IPO13: variants seen among roughly 807,000 people sequenced by gnomAD.
The protein encoded by IPO13 is importin 13, also known as importin-13.
In IPO13, 28 loss-of-function variants were observed where a neutral mutation model predicts 115.5. The ratio of observed to expected loss-of-function variants is 0.24; its 90% confidence interval spans 0.18 to 0.33. IPO13 has a LOEUF of 0.33. Ranked by LOEUF, IPO13 falls within the 10% of genes least tolerant of loss-of-function variation. The pLI, the probability that IPO13 is intolerant of heterozygous loss-of-function variation, is 1.00. For synonymous variants in IPO13, 414 were observed against 478.9 expected (o/e 0.86, Z 1.77); for missense variants, 785 against 1,204.6 (o/e 0.65, Z 5.16).
intron 15 of IPO13, 151 bp downstream of exon 15, chr1:43,964,472 T>G (rs771560953): frequency 8.7e-5 from 56 of 641,918 alleles, no homozygotes; most frequent in Non-Finnish European, 1.3e-4. Context: ...TCCGTGGAAG[T>G]TGACAACCCA....
Position 43,956,710 on chromosome 1 carries a change from G to A in IPO13, c.1104+9G>A. 2.5e-6 allele frequency: 4 copies of A among 1,614,244 alleles called. No homozygotes were observed. In the South Asian group the frequency reaches 4.4e-5, roughly 18 times the overall value. ...TCTGGTACACACTGCAGGTGTGTCT[G>A]TGTGACCTCCAGTAGGACTGGGCTG... is the stretch of plus-strand genomic sequence containing the variant. On this transcript the variant is annotated intron_variant, in intron 4 of 19. Coordinates refer to ENST00000372343, the MANE Select transcript of IPO13 (RefSeq NM_014652.4). The surrounding 1 kb of genome is among the most constrained non-coding windows in gnomAD (Gnocchi z 4.7).
chr1:43,959,191 T>C (rs1159114159), intron 11 of IPO13, among the ~76,000 whole-genome samples: 2 of 152,218 alleles, frequency 1.3e-5, no homozygotes, highest in Non-Finnish European at 2.9e-5. Context: ...GTTATATCCT[T>C]CAACCCTTAA....
rs543431578 is a variant in IPO13 at position 43,950,464 on chromosome 1, A to G, written c.821+311A>G. 2.6e-5 allele frequency among the ~76,000 whole-genome samples: 4 copies of G among 151,980 alleles called. No homozygotes were observed. In the South Asian group the frequency reaches 8.3e-4, roughly 32 times the overall value. ...TCTATTTTTTTCCATTTCCATTGCT[A>G]CCACCTTAGTCCAAGCTGTCATCAT... On this transcript the variant is annotated intron_variant, in intron 2 of 19. Coordinates refer to ENST00000372343, the MANE Select transcript of IPO13 (RefSeq NM_014652.4).
At chr1:43,951,796 G>A (rs2085210889) in intron 2 of IPO13, among the ~76,000 whole-genome samples, 1 of 152,162 alleles carries the variant, frequency 6.6e-6, no homozygotes, top group African/African-American at 2.4e-5. Context: ...ATGGAAGAGT[G>A]GCTGATGACT....
At chr1:43,962,763 C>T (rs1293579755) in intron 14 of IPO13, among the ~76,000 whole-genome samples, 1 of 152,216 alleles carries the variant, frequency 6.6e-6, no homozygotes, top group Non-Finnish European at 1.5e-5. Context: ...TCTAACTGTA[C>T]TGAAACTGCA....
chr1:43,955,357 C>T (rs904437271), intron 2 of IPO13, among the ~76,000 whole-genome samples: 1 of 151,952 alleles, frequency 6.6e-6, no homozygotes, highest in Non-Finnish European at 1.5e-5. Flanking sequence ...GTATTAGTTT[C>T]CTAGGGCTAC....
chr1:43,953,606 C>T (rs912445794), intron 2 of IPO13: 2 of 152,252 alleles, frequency 1.3e-5, no homozygotes, highest in East Asian at 3.8e-4. Context: ...GGCACGCCTT[C>T]CCCAGGTGTC....
intron 1 of IPO13, among the ~76,000 whole-genome samples, chr1:43,947,968 CCATGGGAACTG>C (rs1165222349): frequency 1.3e-5 from 2 of 152,186 alleles, no homozygotes; most frequent in African/African-American, 4.8e-5. Context: ...TGTTCCAGCT[CCATGGGAACTG>C]CATGAGCAGT....
chr1:43,957,510 A>G lies in IPO13; in HGVS notation c.1501A>G (p.Ser501Gly). ...LIGLIPRISI[S>G]NVQLADTVMF... ...TGGCCTCATCCCACGGATCAGCATCAGCAACGTGCAGCTGGCAGACACTGT... is the reference window on the plus strand; with the variant it reads ...TGGCCTCATCCCACGGATCAGCATCGGCAACGTGCAGCTGGCAGACACTGT... The change falls in exon 7 of 20, where the codon AGC (serine) becomes GGC (glycine). Residue 501 changes from serine (S) to glycine (G), a missense_variant. Around this residue, in one of 3 missense-constraint regions of IPO13, gnomAD observed 175 missense variants for 360.0 expected, o/e 0.49. Transcript: ENST00000372343. 6.2e-7 allele frequency: 1 copy of G among 1,614,238 alleles called. No individual in the cohort carries two copies.
At chr1:43,947,778 C>T in intron 1 of IPO13, 94 bp downstream of exon 1, 1 of 660,286 alleles carries the variant, frequency 1.5e-6, no homozygotes, top group Non-Finnish European at 2.2e-6. Flanking sequence ...TGGGTGCCCG[C>T]TGGTATGGTG....
chr1:43,950,170 T>C lies in IPO13; in HGVS notation c.821+17T>C. On this transcript the variant is annotated intron_variant, in intron 2 of 19. Transcript: ENST00000372343. Reference sequence around the variant, plus strand: ...TGCCCAGAGGTGAGCTAGTACCCACTCACCCAGAAGACAACCTCTTTGGCC... The same window carrying C: ...TGCCCAGAGGTGAGCTAGTACCCACCCACCCAGAAGACAACCTCTTTGGCC... 1 of 1,583,882 alleles carries C rather than the reference T, an allele frequency of 6.3e-7. No individual in the cohort carries two copies. Among genetic ancestry groups the C allele is most frequent in the Non-Finnish European group, 8.6e-7 (1 of 1,162,610 alleles).
intron 2 of IPO13, among the ~76,000 whole-genome samples, chr1:43,950,582 T>C (rs1477965620): frequency 2.0e-5 from 3 of 152,160 alleles, no homozygotes; most frequent in Non-Finnish European, 4.4e-5. Context: ...GGGGATCTAA[T>C]CTTTCTGATC....
At chr1:43,962,872 G>C (rs1470413715) in intron 14 of IPO13, among the ~76,000 whole-genome samples, 1 of 152,246 alleles carries the variant, frequency 6.6e-6, no homozygotes, top group Non-Finnish European at 1.5e-5. Flanking sequence ...GTAGGGTTGA[G>C]TTTCTTCTCT....
chr1:43,949,270 G>A, intron 1 of IPO13, 147 bp from the exon 2 acceptor site: 1 of 776,912 alleles, frequency 1.3e-6, no homozygotes, highest in Non-Finnish European at 2.0e-6. Context: ...CCAGGCCCAG[G>A]AAACACTGCA....
In IPO13 at chr1:43,967,277, G is replaced by T; in HGVS notation, c.2614-38G>T. The T allele has an allele frequency of 6.3e-7, 1 of 1,598,664 alleles. No homozygotes were observed. The highest frequency in any genetic ancestry group is 8.6e-7 in the Non-Finnish European group (1 of 1,168,792). On this transcript the variant is annotated intron_variant, in intron 18 of 19. Transcript: ENST00000372343. The surrounding 1 kb of genome is among the most constrained non-coding windows in gnomAD (Gnocchi z 6.1). ...TTCTTGCTGCAGAAGCGGCGGAAGG[G>T]GCAACACCCTGGTGTGCTGAGAACC...
chr1:43,966,536 G>T lies in IPO13; in HGVS notation c.2398-39G>T, dbSNP rs1294339782. ...GTGAGTGGGGGGGATGGTCCTTGGA[G>T]CTGGCTGGGGCTGGGCTTACCAGCT... On this transcript the variant is annotated intron_variant, in intron 15 of 19. Coordinates refer to ENST00000372343, the MANE Select transcript of IPO13 (RefSeq NM_014652.4). The surrounding 1 kb of genome is among the most constrained non-coding windows in gnomAD (Gnocchi z 4.1). 6.2e-7 allele frequency: 1 copy of T among 1,608,282 alleles called. No homozygotes were observed. Among genetic ancestry groups the T allele is most frequent in the East Asian group, 2.2e-5 (1 of 44,814 alleles).
In IPO13 at chr1:43,966,559, G is replaced by A. The variant is rs1294984353; in HGVS notation, c.2398-16G>A. 2 of 1,613,840 alleles carry A rather than the reference G, an allele frequency of 1.2e-6. No homozygotes were observed. The highest frequency in any genetic ancestry group is 2.2e-5 in the South Asian group (2 of 91,070). ...GAGCTGGCTGGGGCTGGGCTTACCA[G>A]CTCCACCTCCTGCAGGCTCTGAAGC... On this transcript the variant is annotated splice_polypyrimidine_tract_variant and intron_variant, in intron 15 of 19. Coordinates refer to ENST00000372343, the MANE Select transcript of IPO13 (RefSeq NM_014652.4). The surrounding 1 kb of genome is among the most constrained non-coding windows in gnomAD (Gnocchi z 4.1).
Position 43,966,353 on chromosome 1 carries a change from T to C in IPO13, c.2398-222T>C. ...ACCCCCAACCTCTCTCACGTACACC[T>C]GCGTGTTCATGTACACATACATGTA... On this transcript the variant is annotated intron_variant, in intron 15 of 19. Transcript: ENST00000372343. This position sits in a 1 kb window ranked among gnomAD's most constrained non-coding sequence, Gnocchi z 4.1. 1 of 600,270 alleles carries C rather than the reference T, an allele frequency of 1.7e-6. No individual in the cohort carries two copies. Among genetic ancestry groups the C allele is most frequent in the Non-Finnish European group, 3.0e-6 (1 of 334,962 alleles). The allele number at this position is 600,270 out of a possible 1,614,324, so 37.2% of individuals were successfully genotyped here.
chr1:43,963,175 G>A (rs1220508408), intron 14 of IPO13, among the ~76,000 whole-genome samples: 1 of 152,236 alleles, frequency 6.6e-6, no homozygotes, highest in Admixed American at 6.5e-5. Flanking sequence ...GGGAAACTGA[G>A]CATTTGTGGC....
Sources: gnomAD v4.1 joint callset for allele counts (sites outside exome capture counted in the v4.1 genomes callset) on GRCh38, gnomAD v4.1.1 for gene constraint, gnomAD v4.1.1 regional missense constraint, Gnocchi (gnomAD v3.1) non-coding constraint, MANE v1.5 for transcripts, NCBI Gene and HGNC (gene_info 2026-07-23, HGNC 2026-07-21) for gene names.